CELF2: variants seen among roughly 807,000 people sequenced by gnomAD.
The protein encoded by CELF2 is CUGBP Elav-like family member 2.
In CELF2, 8 loss-of-function variants were observed where a neutral mutation model predicts 62.6. That is an observed-to-expected ratio of 0.13 (90% confidence interval 0.07 to 0.23). The LOEUF is 0.23. Among genes scored for constraint, CELF2 ranks in the 10% least tolerant of loss-of-function variants. CELF2 has a pLI of 1.00. For missense variants in CELF2, 333 were observed against 671.0 expected, an observed-to-expected ratio of 0.50 and a Z score of 5.56; for synonymous variants, 258 against 250.0, an observed-to-expected ratio of 1.03 and a Z score of -0.30.
At chr10:10,689,010 A>G in the CELF2 span, among the ~76,000 whole-genome samples, 2 of 144,494 alleles carry the variant, frequency 1.4e-5, no homozygotes, top group Non-Finnish European at 3.0e-5. Context: ...TCTCTCTCCT[A>G]AAAAAAAAGT....
intron 5 of CELF2, among the ~76,000 whole-genome samples, chr10:11,258,645 C>T (rs761867401): frequency 3.9e-5 from 6 of 152,216 alleles, no homozygotes; most frequent in Non-Finnish European, 8.8e-5. Context: ...GAGGTTGACA[C>T]TCGTCTGACT....
the CELF2 span, among the ~76,000 whole-genome samples, chr10:10,669,696 A>G: frequency 1.3e-5 from 2 of 152,160 alleles, no homozygotes; most frequent in African/African-American, 2.4e-5. Flanking sequence ...AGTCATTTTC[A>G]CAATACATCC....
chr10:11,284,756 G>T (rs1349479870), intron 8 of CELF2, among the ~76,000 whole-genome samples: 1 of 150,986 alleles, frequency 6.6e-6, no homozygotes, highest in African/African-American at 2.4e-5. Flanking sequence ...TGGATAGATA[G>T]TTGGGTAGAT....
In CELF2 at chr10:11,333,734, CTG is replaced by C. The variant is rs1176053732; in HGVS notation, c.*4683_*4684del. On this transcript the variant is annotated 3_prime_UTR_variant, in exon 13 of 13. Coordinates refer to ENST00000633077, the MANE Select transcript of CELF2 (RefSeq NM_001326342.2). ...CAAAGTTAATGCAACCTAGTGGAAACTGTAAGACCATTTGAGTATTGTTTGTT... is the reference window on the plus strand; with the variant it reads ...CAAAGTTAATGCAACCTAGTGGAAACTAAGACCATTTGAGTATTGTTTGTT... The C allele has an allele frequency of 1.3e-5, 2 of 152,450 alleles. No homozygotes were observed. Among genetic ancestry groups the C allele is most frequent in the South Asian group, 2.1e-4 (1 of 4,824 alleles). 9.4% of individuals were successfully genotyped at this position (152,450 alleles called of 1,614,324 possible).
At chr10:10,470,880 A>G in the CELF2 span, among the ~76,000 whole-genome samples, 2 of 151,284 alleles carry the variant, frequency 1.3e-5, no homozygotes, top group African/African-American at 2.4e-5. Flanking sequence ...AGAAACCTAT[A>G]TAATTAATTT....
At chr10:10,506,197 T>C in the CELF2 span, among the ~76,000 whole-genome samples, 1 of 152,060 alleles carries the variant, frequency 6.6e-6, no homozygotes, top group South Asian at 2.1e-4. Flanking sequence ...AAAAGATCAT[T>C]GGAGCTTCTC....
intron 1 of CELF2, among the ~76,000 whole-genome samples, chr10:10,911,887 C>A (rs965327479): frequency 6.6e-6 from 1 of 152,210 alleles, no homozygotes; most frequent in Non-Finnish European, 1.5e-5. Context: ...AGGAATAGAT[C>A]TGAGAGGCTG....
At chr10:11,093,377 A>G (rs973521142) in intron 1 of CELF2, among the ~76,000 whole-genome samples, 3 of 152,228 alleles carry the variant, frequency 2.0e-5, no homozygotes, top group Non-Finnish European at 4.4e-5. Flanking sequence ...GTCTTCACAA[A>G]GGGTATTGTG....
chr10:10,821,956 T>C (rs1418728189), intron 1 of CELF2, among the ~76,000 whole-genome samples: 1 of 152,176 alleles, frequency 6.6e-6, no homozygotes, highest in East Asian at 1.9e-4. Context: ...AAGACAAGGA[T>C]GATTTTATTT....
intron 1 of CELF2, among the ~76,000 whole-genome samples, chr10:11,109,425 G>T (rs1437924400): frequency 6.6e-6 from 1 of 152,204 alleles, no homozygotes; most frequent in Non-Finnish European, 1.5e-5. Flanking sequence ...CAAGTACATG[G>T]TGAATGGACT....
In CELF2 at chr10:11,306,313, G is replaced by A. The variant is rs554318549; in HGVS notation, c.977-7826G>A. Among the ~76,000 whole-genome samples the A allele has an allele frequency of 1.2e-4, 19 of 152,164 alleles. No individual in the cohort carries two copies. Among genetic ancestry groups the A allele is most frequent in the South Asian group, 1.2e-3 (6 of 4,830 alleles). On this transcript the variant is annotated intron_variant, in intron 9 of 12. Transcript: ENST00000633077. This position sits in a 1 kb window ranked among gnomAD's most constrained non-coding sequence, Gnocchi z 4.4. The stretch of plus-strand genomic sequence containing the variant: ...TTGTAAAACTTTTAAGTGAGAAAGC[G>A]TAGGGTACAGTTCTCAGCACAGACT...
the CELF2 span, among the ~76,000 whole-genome samples, chr10:10,602,679 A>G: frequency 6.6e-6 from 1 of 152,126 alleles, no homozygotes; most frequent in East Asian, 1.9e-4. Context: ...AGAGGGAGAT[A>G]TTTTTATATT....
chr10:11,259,160 G>T (rs1016228552), intron 5 of CELF2, among the ~76,000 whole-genome samples: 3 of 152,254 alleles, frequency 2.0e-5, no homozygotes, highest in Admixed American at 6.5e-5. Context: ...TGAAAGAAAA[G>T]ATTGGATCAT....
At chr10:10,506,528 A>T in the CELF2 span, among the ~76,000 whole-genome samples, 2 of 152,038 alleles carry the variant, frequency 1.3e-5, no homozygotes, top group East Asian at 3.9e-4. Context: ...TCCCTACCCC[A>T]ATCTGTTTTC....
At chr10:10,724,932 G>C in the CELF2 span, among the ~76,000 whole-genome samples, 1 of 147,660 alleles carries the variant, frequency 6.8e-6, no homozygotes, top group Non-Finnish European at 1.5e-5. Flanking sequence ...TCTGAAGGGG[G>C]CATGATTTTT....
chr10:10,912,830 G>T (rs985731226), intron 1 of CELF2, among the ~76,000 whole-genome samples: 15 of 152,214 alleles, frequency 9.9e-5, no homozygotes, highest in African/African-American at 3.6e-4. Flanking sequence ...CTTGGGCTGT[G>T]TTCAAATCCT....
intron 1 of CELF2, among the ~76,000 whole-genome samples, chr10:11,154,952 T>G (rs1366910333): frequency 6.6e-6 from 1 of 152,126 alleles, no homozygotes; most frequent in Non-Finnish European, 1.5e-5. Flanking sequence ...GCCGAAGAGT[T>G]TAGGCAGAGT....
At chr10:10,943,287 G>A (rs568831914) in intron 2 of CELF2, among the ~76,000 whole-genome samples, 1 of 152,148 alleles carries the variant, frequency 6.6e-6, no homozygotes, top group African/African-American at 2.4e-5. Flanking sequence ...TCTAGCGTTT[G>A]GTAAGAGTAT....
rs886215551 is a variant in CELF2 at position 10,989,173 on chromosome 10, T to G, written c.89+69174T>G. Among the ~76,000 whole-genome samples the G allele has an allele frequency of 2.0e-5, 3 of 152,136 alleles. No homozygotes were observed. The South Asian group carries it at 6.2e-4, about 31-fold the overall frequency. On this transcript the variant is annotated intron_variant, in intron 2 of 13. Transcript: ENST00000636488. ...GGACAGAGCTAGTATTCTAAATACA[T>G]TAAATTTTTCCCAGATAAATCCAAG...
Sources: allele counts gnomAD v4.1 joint callset (sites outside exome capture counted in the v4.1 genomes callset), GRCh38; gene constraint gnomAD v4.1.1; non-coding constraint Gnocchi (gnomAD v3.1); transcripts MANE v1.5; gene names NCBI Gene and HGNC (gene_info 2026-07-23, HGNC 2026-07-21).